The following IQGAP2 variants were observed in gnomAD, a reference collection of about 807,000 sequenced individuals.
IQGAP2 encodes IQ motif containing GTPase activating protein 2.
Under a neutral mutation model 201.3 loss-of-function variants are expected in IQGAP2, and 173 were observed. That is an observed-to-expected ratio of 0.86 (90% CI 0.76 to 0.98). The LOEUF is 0.98. Ranked by LOEUF, IQGAP2 falls within the 50% of genes least tolerant of loss-of-function variation. IQGAP2 has a pLI of 0.00. For synonymous variants in IQGAP2, 675 were observed against 673.9 expected (o/e 1.00, Z -0.03); for missense variants, 1,687 against 1,864.8 (o/e 0.90, Z 1.76).
chr5:76,522,358 T>G (rs1475823034), intron 2 of IQGAP2, among the ~76,000 whole-genome samples: 1 of 152,020 alleles, frequency 6.6e-6, no homozygotes, highest in Admixed American at 6.6e-5. Context: ...AATTTTTGTA[T>G]TTTTAGTAGA....
At chr5:76,479,581 C>A (rs1349264406) in intron 2 of IQGAP2, among the ~76,000 whole-genome samples, 3 of 152,116 alleles carry the variant, frequency 2.0e-5, no homozygotes, top group African/African-American at 7.2e-5. Context: ...GGACCGGGTG[C>A]TCCTCACCCT....
chr5:76,654,303 G>A (rs1580732385), intron 19 of IQGAP2, 32 bp downstream of exon 19: 2 of 1,390,420 alleles, frequency 1.4e-6, no homozygotes, highest in East Asian at 2.3e-5. Flanking sequence ...TTTTATCCAG[G>A]TTGATAATGA....
chr5:76,621,998 C>G (rs1210563393), intron 13 of IQGAP2, among the ~76,000 whole-genome samples: 6 of 152,094 alleles, frequency 3.9e-5, no homozygotes, highest in Non-Finnish European at 7.3e-5. Flanking sequence ...TTTCCATTTA[C>G]CTCTAGAGAC....
chr5:76,426,986 G>A (rs994750791), intron 1 of IQGAP2, among the ~76,000 whole-genome samples: 4 of 151,198 alleles, frequency 2.6e-5, no homozygotes, highest in African/African-American at 9.7e-5. Flanking sequence ...GGAGTGATCA[G>A]TACATAATGG....
At chr5:76,596,145 G>A (rs982087756) in intron 9 of IQGAP2, among the ~76,000 whole-genome samples, 2 of 152,170 alleles carry the variant, frequency 1.3e-5, no homozygotes, top group African/African-American at 4.8e-5. Context: ...ATTGAGGGAA[G>A]ATCCTCGTGA....
intron 2 of IQGAP2, among the ~76,000 whole-genome samples, chr5:76,535,606 C>T: frequency 6.6e-6 from 1 of 152,170 alleles, no homozygotes; most frequent in Non-Finnish European, 1.5e-5. Flanking sequence ...GACAAAATGG[C>T]TTGAGTCAGT....
At chr5:76,516,369 G>A (rs1414383082) in intron 2 of IQGAP2, among the ~76,000 whole-genome samples, 2 of 152,090 alleles carry the variant, frequency 1.3e-5, no homozygotes, top group Non-Finnish European at 2.9e-5. Flanking sequence ...GATTTCAGGT[G>A]GACATACTTT....
intron 33 of IQGAP2, 121 bp from the exon 34 acceptor site, chr5:76,700,955 A>G: frequency 1.1e-6 from 1 of 921,476 alleles, no homozygotes; most frequent in Non-Finnish European, 1.6e-6. Context: ...AAAAAAGTGT[A>G]TATTCAGCGC....
At chr5:76,652,165 A>C (rs187880415) in intron 17 of IQGAP2, among the ~76,000 whole-genome samples, 1 of 152,182 alleles carries the variant, frequency 6.6e-6, no homozygotes, top group Admixed American at 6.5e-5. Flanking sequence ...ATTATTCTTA[A>C]TGGTGATAAT....
chr5:76,691,326 C>T (rs1205187219), intron 30 of IQGAP2: 2 of 152,214 alleles, frequency 1.3e-5, no homozygotes, highest in South Asian at 2.1e-4. Context: ...TTATTGACTC[C>T]AGTCATTTGG....
At chr5:76,460,129 CA>C (rs1272727197) in intron 1 of IQGAP2, among the ~76,000 whole-genome samples, 1 of 152,050 alleles carries the variant, frequency 6.6e-6, no homozygotes, top group African/African-American at 2.4e-5. Flanking sequence ...GAGAGACAGA[CA>C]GACTGATTTA....
intron 2 of IQGAP2, among the ~76,000 whole-genome samples, chr5:76,506,317 A>G (rs906733951): frequency 1.3e-5 from 2 of 152,202 alleles, no homozygotes; most frequent in South Asian, 2.1e-4. Context: ...TCTAAGTACT[A>G]GTTCTTGCCA....
chr5:76,465,343 G>A (rs193007732), intron 2 of IQGAP2, among the ~76,000 whole-genome samples: 319 of 152,228 alleles, frequency 2.1e-3, no homozygotes, highest in African/African-American at 7.3e-3. Context: ...AGAAGCATTT[G>A]GTAAAATCCA....
At chr5:76,688,045 T>C (rs1745942358) in intron 30 of IQGAP2, among the ~76,000 whole-genome samples, 1 of 152,120 alleles carries the variant, frequency 6.6e-6, no homozygotes, top group Admixed American at 6.5e-5. Flanking sequence ...GAGGATGACT[T>C]TTTTGATTTG....
In IQGAP2 at chr5:76,644,295, C is replaced by CTTTTTTTTTTTTTTTTTT. The variant is rs547155944; in HGVS notation, c.2094+3197_2094+3214dup. ...AATGAGACTGCCATTTTTGTAAATCCTTTTTTTTTTTTTTTTTTTTTTGAG... is the reference window on the plus strand; with the variant it reads ...AATGAGACTGCCATTTTTGTAAATCCTTTTTTTTTTTTTTTTTTTTTTTTTTTTTTTTTTTTTTTTGAG... On this transcript the variant is annotated intron_variant, in intron 17 of 35. Coordinates refer to ENST00000274364, the MANE Select transcript of IQGAP2 (RefSeq NM_006633.5). Among the ~76,000 whole-genome samples, 59 of 47,748 alleles carry CTTTTTTTTTTTTTTTTTT rather than the reference C, an allele frequency of 1.2e-3. 13 individuals are homozygous for CTTTTTTTTTTTTTTTTTT. Among genetic ancestry groups the CTTTTTTTTTTTTTTTTTT allele is most frequent in the African/African-American group, 3.4e-3 (47 of 13,852 alleles). The allele number at this position is 47,748 out of a possible 152,430, so 31.3% of individuals were successfully genotyped here. A position where few individuals can be genotyped will look rare whatever the true frequency, so the allele number is the denominator to read the frequency against.
At chr5:76,483,316 C>T (rs553230397) in intron 2 of IQGAP2, among the ~76,000 whole-genome samples, 4 of 152,234 alleles carry the variant, frequency 2.6e-5, no homozygotes, top group South Asian at 4.1e-4. Context: ...GTTGTAGCAC[C>T]GGGAGAGTAG....
intron 14 of IQGAP2, chr5:76,628,888 A>C: frequency 3.1e-6 from 1 of 318,446 alleles, no homozygotes; most frequent in Non-Finnish European, 6.1e-6. Context: ...AAACTGAAGG[A>C]AGCCATGGTC....
intron 2 of IQGAP2, among the ~76,000 whole-genome samples, chr5:76,506,174 C>G (rs1340657546): frequency 6.6e-6 from 1 of 152,208 alleles, no homozygotes. Flanking sequence ...CTGGACAGCT[C>G]TGAGGACTTG....
intron 1 of IQGAP2, among the ~76,000 whole-genome samples, chr5:76,424,915 A>G (rs1394257979): frequency 2.0e-5 from 3 of 152,214 alleles, no homozygotes; most frequent in Non-Finnish European, 4.4e-5. Context: ...AGGAGGAAGC[A>G]TTCTGTGAAG....
Sources: allele counts gnomAD v4.1 joint callset (sites outside exome capture counted in the v4.1 genomes callset), GRCh38; gene constraint gnomAD v4.1.1; transcripts MANE v1.5; gene names NCBI Gene and HGNC (gene_info 2026-07-23, HGNC 2026-07-21).